Variants in GGT5 observed in about 807,000 individuals in gnomAD.
The protein encoded by GGT5 is gamma-glutamyltransferase 5.
In GGT5, 50 loss-of-function variants were observed where a neutral mutation model predicts 58.1. That is an observed-to-expected ratio of 0.86 (90% CI 0.69 to 1.09). The LOEUF (loss-of-function observed/expected upper bound fraction) is 1.09, where lower values mean the gene tolerates loss of function less well. Among genes scored for constraint, GGT5 ranks in the 50% least tolerant of loss-of-function variants. The pLI is 0.00. For synonymous variants in GGT5, 370 were observed against 346.1 expected (o/e 1.07, Z -0.77); for missense variants, 800 against 789.4 (o/e 1.01, Z -0.16).
intron 7 of GGT5, 131 bp downstream of exon 7, chr22:24,226,500 G>A: frequency 1.9e-6 from 2 of 1,027,758 alleles, no homozygotes; most frequent in Non-Finnish European, 1.4e-6. Context: ...ATCCCTTTCA[G>A]TCCTGCCCTG....
Position 24,230,702 on chromosome 22 carries a change from C to G in GGT5, c.901+682G>C, listed in dbSNP as rs187156626. 2.1e-3 allele frequency among the ~76,000 whole-genome samples: 318 copies of G among 152,278 alleles called. 1 individual carries two copies. Among genetic ancestry groups the G allele is most frequent in the African/African-American group, 6.7e-3 (278 of 41,560 alleles). ...GTCTTCCTTCACCTCCCTGAATACACACATAGTTTACCCTAGCATGGGTAT... is the reference window on the plus strand; with the variant it reads ...GTCTTCCTTCACCTCCCTGAATACAGACATAGTTTACCCTAGCATGGGTAT... On this transcript the variant is annotated intron_variant, in intron 6 of 11. Coordinates refer to ENST00000327365, the MANE Select transcript of GGT5 (RefSeq NM_004121.5).
In GGT5 at chr22:24,232,067, C is replaced by G; in HGVS notation, c.738G>C (p.Glu246Asp). 4 of 1,613,500 alleles carry G rather than the reference C, an allele frequency of 2.5e-6. No individual in the cohort carries two copies. Among genetic ancestry groups the G allele is most frequent in the Non-Finnish European group, 2.5e-6 (3 of 1,179,672 alleles). The change falls in exon 5 of 12, where the codon GAG (glutamate) becomes GAC (aspartate). Residue 246 changes from glutamate to aspartate, a missense_variant. Coordinates refer to ENST00000327365, the MANE Select transcript of GGT5 (RefSeq NM_004121.5). ...YTGRLGQMLV[E>D]DIAKEGSQLT... ...GAGGCTGACCTTCCTTGGCAATGTC[C>G]TCCACCAGCATCTGGCCCAGCCTCC... is the stretch of plus-strand genomic sequence containing the variant.
chr22:24,224,941 A>C (rs1171616329), intron 11 of GGT5, 55 bp downstream of exon 11: 2 of 1,199,750 alleles, frequency 1.7e-6, no homozygotes, highest in Non-Finnish European at 2.4e-6. Flanking sequence ...TTTGAGCAGC[A>C]CGGATTTGGG....
At chr22:24,239,196 A>G (rs1485439811) in intron 1 of GGT5, among the ~76,000 whole-genome samples, 12 of 150,730 alleles carry the variant, frequency 8.0e-5, no homozygotes, top group African/African-American at 2.2e-4. Context: ...AAAATTAGCC[A>G]GGCGTGGTGG....
Position 24,232,975 on chromosome 22 carries a change from G to T in GGT5, c.444C>A (p.Ala148=). The T allele has an allele frequency of 1.3e-6, 2 of 1,561,078 alleles. No homozygotes were observed. Among genetic ancestry groups the T allele is most frequent in the East Asian group, 2.4e-5 (1 of 41,884 alleles). ...GGCGGCCATGGCGGCGGTGGGCCTC[G>T]GCATAGCCACGGAGCTCCCCGGGCA... ...IGVPGELRGY[A]EAHRRHGRLP... is the part of the protein sequence containing the mutation. Residue 148 remains alanine, a synonymous_variant, in exon 4 of 12, where the codon GCC becomes GCA. Coordinates refer to ENST00000327365, the MANE Select transcript of GGT5 (RefSeq NM_004121.5).
intron 1 of GGT5, among the ~76,000 whole-genome samples, chr22:24,240,107 C>CA (rs1295606982): frequency 2.6e-5 from 4 of 151,618 alleles, no homozygotes; most frequent in Admixed American, 2.0e-4. Flanking sequence ...AACAAATAAA[C>CA]AAAAAAAAGT....
At position 24,232,981 on chromosome 22, in the gene GGT5, G is replaced by A. The variant is rs2047993080; in HGVS notation, c.438C>T (p.Gly146=). The A allele has an allele frequency of 6.4e-7, 1 of 1,559,322 alleles. No individual in the cohort carries two copies. The change falls in exon 4 of 12, where the codon GGC becomes GGT. Residue 146 remains glycine (G), a synonymous_variant. Coordinates refer to ENST00000327365, the MANE Select transcript of GGT5 (RefSeq NM_004121.5). ...CATGGCGGCGGTGGGCCTCGGCATA[G>A]CCACGGAGCTCCCCGGGCACCCCGA... ...QWIGVPGELR[G]YAEAHRRHGR... is the part of the protein sequence containing the mutation.
intron 11 of GGT5, among the ~76,000 whole-genome samples, chr22:24,221,740 A>G (rs2047595454): frequency 6.6e-6 from 1 of 151,890 alleles, no homozygotes; most frequent in Non-Finnish European, 1.5e-5. Context: ...TCCTGACCTC[A>G]GGTGAACCAC....
rs750040366 is a variant in GGT5 at position 24,225,300 on chromosome 22, G to A, written c.1448C>T (p.Ser483Leu). Residue 483 changes from serine to leucine, a missense_variant, in exon 10 of 12, where the codon TCG (serine) becomes TTG (leucine). Physicochemically the swap from Ser to Leu is moderately radical, Grantham distance 145. Transcript: ENST00000327365. The stretch of plus-strand genomic sequence containing the variant: ...GCCAGCCCCGCCAATCACTAGCTTC[G>A]ACCCCTGGGCTTTGTTGATCAAGAT... ...PSILINKAQG[S>L]KLVIGGAGGE... The A allele has an allele frequency of 8.1e-6, 13 of 1,614,042 alleles. No individual in the cohort carries two copies. In the East Asian group the frequency reaches 8.9e-5, roughly 11 times the overall value.
In GGT5 at chr22:24,238,776, TATA is replaced by T. The variant is rs1246072903; in HGVS notation, c.174-4775_174-4773del. The stretch of plus-strand genomic sequence containing the variant: ...TATATATGGAATATATATATATATA[TATA>T]ATATATATTATATATTTATATATAT... On this transcript the variant is annotated intron_variant, in intron 1 of 11. Transcript: ENST00000327365. 1.2e-3 allele frequency among the ~76,000 whole-genome samples: 34 copies of T among 29,030 alleles called. 1 individual carries two copies. The highest frequency in any genetic ancestry group is 2.1e-3 in the South Asian group (2 of 968). 19.0% of individuals were successfully genotyped at this position (29,030 alleles called of 152,430 possible). A position where few individuals can be genotyped will look rare whatever the true frequency, so the allele number is the denominator to read the frequency against.
In GGT5 at chr22:24,226,735, G is replaced by A. The variant is rs750184316; in HGVS notation, c.934C>T (p.Pro312Ser). The change falls in exon 7 of 12, where the codon CCT becomes TCT. Residue 312 changes from proline to serine, a missense_variant. Pro to Ser is a moderately conservative substitution (Grantham distance 74). Transcript: ENST00000327365. Reference sequence around the variant, plus strand: ...TGGTACACGTTCACCCTCCCTTCAGGCCTGGCCATAGACTCTGTTGAGAAG... The same window carrying A: ...TGGTACACGTTCACCCTCCCTTCAGACCTGGCCATAGACTCTGTTGAGAAG... ...FNFSTESMARPEGRVNVYHHL... is the reference protein window; with the variant it reads ...FNFSTESMARSEGRVNVYHHL... 6.2e-7 allele frequency: 1 copy of A among 1,613,862 alleles called. No individual in the cohort carries two copies.
intron 1 of GGT5, chr22:24,244,221 C>T (rs138982295): frequency 6.6e-5 from 20 of 301,506 alleles, no homozygotes; most frequent in Non-Finnish European, 1.2e-4. Flanking sequence ...CCTGAGGCTG[C>T]CTCCTTGCGC....
intron 8 of GGT5, 25 bp from the exon 9 acceptor site, chr22:24,225,677 C>T (rs1234639400): frequency 1.4e-6 from 2 of 1,459,966 alleles, no homozygotes; most frequent in Admixed American, 3.4e-5. Context: ...GCAGAAGAGC[C>T]TGGGCTAGGA....
intron 1 of GGT5, chr22:24,244,208 G>A (rs2048400955): frequency 3.6e-6 from 1 of 276,430 alleles, no homozygotes; most frequent in East Asian, 8.0e-5. Flanking sequence ...TCTGTGCAAG[G>A]GCCCTGAGGC....
chr22:24,233,917 G>A lies in GGT5; in HGVS notation c.261C>T (p.Gly87=), dbSNP rs1047461437. The change falls in exon 2 of 12, where the codon GGC becomes GGT. Residue 87 remains glycine (G), a synonymous_variant. Coordinates refer to ENST00000327365, the MANE Select transcript of GGT5 (RefSeq NM_004121.5). ...CTSVVNPQSM[G]LGGGVIFTIY... ...TGGTGAAGATGACCCCTCCGCCCAG[G>A]CCCATGCTCTGAGGGTTGACGACGC... 6.2e-7 allele frequency: 1 copy of A among 1,613,312 alleles called. No homozygotes were observed. The highest frequency in any genetic ancestry group is 8.5e-7 in the Non-Finnish European group (1 of 1,179,394).
intron 8 of GGT5, among the ~76,000 whole-genome samples, chr22:24,225,860 C>G (rs773460385): frequency 1.3e-5 from 2 of 152,162 alleles, no homozygotes; most frequent in African/African-American, 2.4e-5. Flanking sequence ...GTGAGGCTAC[C>G]CATTCCCAGG....
At chr22:24,220,802 C>A in intron 11 of GGT5, 1 of 385,688 alleles carries the variant, frequency 2.6e-6, no homozygotes, top group Admixed American at 3.4e-5. Flanking sequence ...GAGGCCGGCG[C>A]AGGAGGATCT....
intron 11 of GGT5, among the ~76,000 whole-genome samples, chr22:24,224,171 T>C (rs1219282147): frequency 6.6e-6 from 1 of 151,934 alleles, no homozygotes; most frequent in Non-Finnish European, 1.5e-5. Context: ...GCCAGAAGAA[T>C]TCAGCCCCTG....
At position 24,225,030 on chromosome 22, in the gene GGT5, T is replaced by C. The variant is rs1049186603; in HGVS notation, c.1580A>G (p.Lys527Arg). Residue 527 changes from lysine (K) to arginine (R), a missense_variant, in exon 11 of 12, where the codon AAG becomes AGG. Transcript: ENST00000327365. Reference sequence around the variant, plus strand: ...GTTGGGCTCGTACTCCACACAGCCCTTGCTGTTGACATGCAGGATGGGGGC... The same window carrying C: ...GTTGGGCTCGTACTCCACACAGCCCCTGCTGTTGACATGCAGGATGGGGGC... ...IAAPILHVNS[K>R]GCVEYEPNFS... 1 of 1,600,288 alleles carries C rather than the reference T, an allele frequency of 6.2e-7. No individual in the cohort carries two copies. Among genetic ancestry groups the C allele is most frequent in the Non-Finnish European group, 8.5e-7 (1 of 1,173,190 alleles).
Sources: gnomAD v4.1 joint callset for allele counts (sites outside exome capture counted in the v4.1 genomes callset) on GRCh38, gnomAD v4.1.1 for gene constraint, MANE v1.5 for transcripts, NCBI Gene and HGNC (gene_info 2026-07-23, HGNC 2026-07-21) for gene names.